The following PDZRN4 variants were observed in gnomAD, a reference collection of about 807,000 sequenced individuals.
PDZRN4 encodes the protein PDZ domain-containing RING finger protein 4.
Under a neutral mutation model 99.0 loss-of-function variants are expected in PDZRN4, and 70 were observed. The ratio of observed to expected loss-of-function variants is 0.71; its 90% CI spans 0.58 to 0.86. The LOEUF (loss-of-function observed/expected upper bound fraction) is 0.86, where lower values mean the gene tolerates loss of function less well. PDZRN4 is among the 40% of genes least tolerant of loss of function. The probability of loss-of-function intolerance (pLI) is 0.00; values close to 1 mark genes in which losing one functional copy is unlikely to be tolerated. For synonymous variants in PDZRN4, 551 were observed against 501.6 expected (o/e 1.10, Z -1.32); for missense variants, 1,474 against 1,331.2 (o/e 1.11, Z -1.67).
At chr12:41,349,603 C>T (rs1951877036) in intron 3 of PDZRN4, among the ~76,000 whole-genome samples, 1 of 151,894 alleles carries the variant, frequency 6.6e-6, no homozygotes, top group African/African-American at 2.4e-5. Context: ...TCTAATAATC[C>T]ATGTGTCCTT....
intron 7 of PDZRN4, among the ~76,000 whole-genome samples, chr12:41,556,297 CACTT>C (rs1211097324): frequency 1.3e-5 from 2 of 152,138 alleles, no homozygotes; most frequent in Non-Finnish European, 2.9e-5. Flanking sequence ...AGTCATGAGT[CACTT>C]AATATGTTTT....
chr12:41,286,336 C>CTTTTTTTTTTTTTT (rs71081721), intron 3 of PDZRN4, among the ~76,000 whole-genome samples: 72 of 106,272 alleles, frequency 6.8e-4, no homozygotes, highest in African/African-American at 1.2e-3. Flanking sequence ...CCTTCTTCTT[C>CTTTTTTTTTTTTTT]TTTTTTTTTT....
chr12:41,341,889 C>A lies in PDZRN4; in HGVS notation c.843+147701C>A, dbSNP rs578036824. On this transcript the variant is annotated intron_variant, in intron 3 of 9. Coordinates refer to ENST00000402685, the MANE Select transcript of PDZRN4 (RefSeq NM_001164595.2). ...GAAAACACAAAAGACCCTGAACAGC[C>A]AAAGCAATCCTAAGCAAAAATTAAA... Among the ~76,000 whole-genome samples the A allele has an allele frequency of 1.7e-3, 259 of 151,798 alleles. 1 individual carries two copies. Among genetic ancestry groups the A allele is most frequent in the African/African-American group, 5.6e-3 (233 of 41,470 alleles).
intron 3 of PDZRN4, among the ~76,000 whole-genome samples, chr12:41,466,940 T>C (rs1952932287): frequency 6.6e-6 from 1 of 152,224 alleles, no homozygotes; most frequent in African/African-American, 2.4e-5. Flanking sequence ...CAGTGCACGC[T>C]GCTTCGCCTG....
In PDZRN4 at chr12:41,188,430, C is replaced by A; in HGVS notation, c.-26C>A. Reference sequence around the variant, plus strand: ...TCGGAGAAGACGGACTCTGCTTTCGCTCCCCCTTTCTTCCCCATCCCTAAC... The same window carrying A: ...TCGGAGAAGACGGACTCTGCTTTCGATCCCCCTTTCTTCCCCATCCCTAAC... On this transcript the variant is annotated 5_prime_UTR_variant, in exon 1 of 10. Transcript: ENST00000402685. The A allele has an allele frequency of 6.5e-7, 1 of 1,544,706 alleles. No individual in the cohort carries two copies. Among genetic ancestry groups the A allele is most frequent in the Non-Finnish European group, 8.7e-7 (1 of 1,151,500 alleles).
chr12:41,510,015 C>G, intron 5 of PDZRN4, 102 bp downstream of exon 5: 1 of 599,016 alleles, frequency 1.7e-6, no homozygotes, highest in Non-Finnish European at 3.0e-6. Context: ...AATGTCTTGT[C>G]TATTACATAT....
chr12:41,239,247 A>G (rs1363983938), intron 3 of PDZRN4, among the ~76,000 whole-genome samples: 1 of 152,136 alleles, frequency 6.6e-6, no homozygotes, highest in East Asian at 1.9e-4. Flanking sequence ...CTCACTTACA[A>G]GTGGGAGCTG....
chr12:41,489,751 TTTAATGTTGACACCAA>T (rs915934610), intron 3 of PDZRN4, among the ~76,000 whole-genome samples: 9 of 151,976 alleles, frequency 5.9e-5, no homozygotes, highest in Admixed American at 1.3e-4. Flanking sequence ...TCAATAAAAC[TTTAATGTTGACACCAA>T]TTAGCCATAA....
chr12:41,380,146 T>A (rs1222288374), intron 3 of PDZRN4, among the ~76,000 whole-genome samples: 1 of 152,088 alleles, frequency 6.6e-6, no homozygotes, highest in South Asian at 2.1e-4. Context: ...TCTTCTCCGA[T>A]GTAAATTTAG....
chr12:41,407,472 C>T (rs1952358263), intron 3 of PDZRN4, among the ~76,000 whole-genome samples: 1 of 152,164 alleles, frequency 6.6e-6, no homozygotes, highest in Non-Finnish European at 1.5e-5. Flanking sequence ...TATCATCTGT[C>T]ATTCAATAAT....
At chr12:41,471,858 A>G (rs1441681760) in intron 3 of PDZRN4, among the ~76,000 whole-genome samples, 1 of 151,954 alleles carries the variant, frequency 6.6e-6, no homozygotes, top group African/African-American at 2.4e-5. Flanking sequence ...TTTTAAAAAT[A>G]CATTTTCATA....
intron 3 of PDZRN4, among the ~76,000 whole-genome samples, chr12:41,345,821 C>A (rs1383764903): frequency 2.0e-5 from 3 of 152,018 alleles, no homozygotes; most frequent in South Asian, 2.1e-4. Flanking sequence ...TAAACTTCTG[C>A]AAATGATCAC....
At chr12:41,464,925 A>C (rs1220892226) in intron 3 of PDZRN4, among the ~76,000 whole-genome samples, 2 of 150,774 alleles carry the variant, frequency 1.3e-5, no homozygotes, top group Non-Finnish European at 2.9e-5. Flanking sequence ...CCCAGGTTCA[A>C]GTGATTCTCC....
chr12:41,507,808 C>T (rs1458687883), intron 4 of PDZRN4, among the ~76,000 whole-genome samples: 1 of 137,276 alleles, frequency 7.3e-6, no homozygotes, highest in East Asian at 3.0e-4. Flanking sequence ...TTTAAATAGC[C>T]CTTTGTATCA....
At chr12:41,350,326 C>T (rs1951881293) in intron 3 of PDZRN4, among the ~76,000 whole-genome samples, 1 of 151,990 alleles carries the variant, frequency 6.6e-6, no homozygotes, top group Admixed American at 6.6e-5. Flanking sequence ...TTTCATCAAC[C>T]TGTAATGCTT....
chr12:41,255,301 C>A (rs1007883294), intron 3 of PDZRN4, among the ~76,000 whole-genome samples: 1 of 152,038 alleles, frequency 6.6e-6, no homozygotes. Flanking sequence ...GTCACACAAA[C>A]CAGAATATGT....
intron 3 of PDZRN4, among the ~76,000 whole-genome samples, chr12:41,445,867 A>AT (rs1952722392): frequency 6.6e-6 from 1 of 152,092 alleles, no homozygotes; most frequent in African/African-American, 2.4e-5. Flanking sequence ...ATGTCTTCAG[A>AT]TTTAGAATTA....
intron 5 of PDZRN4, among the ~76,000 whole-genome samples, chr12:41,511,707 C>A (rs1938307116): frequency 6.6e-6 from 1 of 152,144 alleles, no homozygotes; most frequent in South Asian, 2.1e-4. Context: ...GCCCAGTACT[C>A]CTCAGTCTGT....
chr12:41,411,046 AAAAT>A (rs1469176006), intron 3 of PDZRN4, among the ~76,000 whole-genome samples: 10 of 121,690 alleles, frequency 8.2e-5, no homozygotes, highest in Non-Finnish European at 5.1e-5. Flanking sequence ...ACTGAGCTTT[AAAAT>A]ATATATATAT....
Sources: gnomAD v4.1 joint callset for allele counts (sites outside exome capture counted in the v4.1 genomes callset) on GRCh38, gnomAD v4.1.1 for gene constraint, MANE v1.5 for transcripts, NCBI Gene and HGNC (gene_info 2026-07-23, HGNC 2026-07-21) for gene names.